SEPTIN5: variants seen among roughly 807,000 people sequenced by gnomAD.
SEPTIN5 encodes the protein septin-5.
Under a neutral mutation model 51.2 loss-of-function variants are expected in SEPTIN5, and 16 were observed. That is an observed-to-expected ratio of 0.31 (90% CI 0.21 to 0.47). The LOEUF is 0.47. Among genes scored for constraint, SEPTIN5 ranks in the 20% least tolerant of loss-of-function variants. The pLI is 0.99. For synonymous variants in SEPTIN5, 208 were observed against 191.2 expected (o/e 1.09, Z -0.72); for missense variants, 376 against 500.3 (o/e 0.75, Z 2.37).
At chr22:19,717,345 G>T in intron 2 of SEPTIN5, 1 of 470,602 alleles carries the variant, frequency 2.1e-6, no homozygotes, top group South Asian at 1.5e-5. Flanking sequence ...GGCCCACAGA[G>T]CGGAGCTCGG....
chr22:19,722,202 G>GCCGCCCCGCCCATCCTCCCCC (rs1936055599), intron 10 of SEPTIN5, 35 bp from the exon 11 acceptor site: 2 of 1,410,634 alleles, frequency 1.4e-6, no homozygotes, highest in East Asian at 4.9e-5. Context: ...TCCCGGTGGC[G>GCCGCCCCGCCCATCCTCCCCC]CCGCCCCGCC....
At position 19,719,684 on chromosome 22, in the gene SEPTIN5, C is replaced by T; in HGVS notation, c.137C>T (p.Thr46Ile). The T allele has an allele frequency of 6.2e-7, 1 of 1,612,956 alleles. No individual in the cohort carries two copies. The highest frequency in any genetic ancestry group is 8.5e-7 in the Non-Finnish European group (1 of 1,179,942). ...RKSVKKGFDF[T>I]LMVAGESGLG... ...TCGGTGAAGAAAGGCTTTGACTTCA[C>T]ACTCATGGTGGCTGGTGAGTGGGCC... The change falls in exon 3 of 12, where the codon ACA (threonine) becomes ATA (isoleucine). Residue 46 changes from threonine to isoleucine, a missense_variant. Coordinates refer to ENST00000455784, the MANE Select transcript of SEPTIN5 (RefSeq NM_002688.6).
At chr22:19,718,426 G>T in intron 2 of SEPTIN5, 2 of 1,069,348 alleles carry the variant, frequency 1.9e-6, no homozygotes, top group Non-Finnish European at 2.3e-6. Flanking sequence ...CCCCCGCCGC[G>T]CGCTCCGCGG....
rs371577180 is a variant in SEPTIN5 at position 19,718,722 on chromosome 22, T to TG, written c.55-873dup. The TG allele has an allele frequency of 1.5e-3, 1,886 of 1,248,086 alleles. 1 individual carries two copies. The highest frequency in any genetic ancestry group is 1.5e-3 in the Non-Finnish European group (1,536 of 996,266). The allele number at this position is 1,248,086 out of a possible 1,614,324, so 77.3% of individuals were successfully genotyped here. A position where few individuals can be genotyped will look rare whatever the true frequency, so the allele number is the denominator to read the frequency against. ...TGGGGTCCGAGCGTGCCCCCGGGCCTGGGGGGGTCGCCGCGATGGACTCGC... is the reference window on the plus strand; with the variant it reads ...TGGGGTCCGAGCGTGCCCCCGGGCCTGGGGGGGGTCGCCGCGATGGACTCGC... On this transcript the variant is annotated intron_variant, in intron 2 of 11. Transcript: ENST00000455784.
chr22:19,720,446 C>A lies in SEPTIN5; in HGVS notation c.489C>A (p.Phe163Leu), dbSNP rs141597356. 5.6e-6 allele frequency: 9 copies of A among 1,613,752 alleles called. No individual in the cohort carries two copies. Among genetic ancestry groups the A allele is most frequent in the African/African-American group, 1.3e-5 (1 of 75,060 alleles). ...VHCCLYFISP[F>L]GHGLRPVDVG... is the part of the protein sequence containing the mutation. ...GCTGCCTATACTTCATCTCCCCCTT[C>A]GGGCATGGGTGTGTGGCTGTCCTGG... Residue 163 changes from phenylalanine (F) to leucine (L), a missense_variant, in exon 6 of 12, where the codon TTC (phenylalanine) becomes TTA (leucine). This residue lies in a region of SEPTIN5 where 287 missense variants were observed against 417.1 expected (regional missense o/e 0.69). Coordinates refer to ENST00000455784, the MANE Select transcript of SEPTIN5 (RefSeq NM_002688.6).
In SEPTIN5 at chr22:19,714,714, C is replaced by A; in HGVS notation, c.44-67C>A. The A allele has an allele frequency of 6.5e-7, 1 of 1,540,490 alleles. No individual in the cohort carries two copies. On this transcript the variant is annotated intron_variant, in intron 1 of 11. Coordinates refer to ENST00000455784, the MANE Select transcript of SEPTIN5 (RefSeq NM_002688.6). The surrounding 1 kb of genome is among the most constrained non-coding windows in gnomAD (Gnocchi z 5.2). ...CCTCTCACCGTGTCTCTCCGTCTCT[C>A]CCCCGCCCGCCGGCCCGGACCCGCT...
rs773874398 is a variant in SEPTIN5, at chr22:19,714,760, AC to A, written c.44-17del. The A allele has an allele frequency of 2.6e-6, 4 of 1,564,240 alleles. No homozygotes were observed. Among genetic ancestry groups the A allele is most frequent in the African/African-American group, 2.9e-5 (2 of 68,480 alleles). On this transcript the variant is annotated intron_variant, in intron 1 of 11. Coordinates refer to ENST00000455784, the MANE Select transcript of SEPTIN5 (RefSeq NM_002688.6). The surrounding 1 kb of genome is among the most constrained non-coding windows in gnomAD (Gnocchi z 5.2). Reference sequence around the variant, plus strand: ...CCGCTCGGAACCGGACCCGGACTCGACCCCGACCCCGACCCCGCAGAGGACA... The same window carrying A: ...CCGCTCGGAACCGGACCCGGACTCGACCCGACCCCGACCCCGCAGAGGACA...
intron 2 of SEPTIN5, chr22:19,717,641 C>T (rs540404512): frequency 6.8e-6 from 2 of 293,664 alleles, no homozygotes; most frequent in Non-Finnish European, 1.3e-5. Context: ...GCAGCCTGCA[C>T]CCTTCCTTTC....
At chr22:19,719,375 G>C (rs1935978195) in intron 2 of SEPTIN5, 1 of 547,250 alleles carries the variant, frequency 1.8e-6, no homozygotes, top group African/African-American at 1.9e-5. Context: ...TCCCTGCAGA[G>C]CCCTCCCTGG....
At position 19,720,683 on chromosome 22, in the gene SEPTIN5, A is replaced by G. The variant is rs755951804; in HGVS notation, c.615+17A>G. ...AAGGAGCGGGTGAGCCTGCCGTCGCACAGGGGCCTGGCCAGGGCCCTGGGG... is the reference window on the plus strand; with the variant it reads ...AAGGAGCGGGTGAGCCTGCCGTCGCGCAGGGGCCTGGCCAGGGCCCTGGGG... On this transcript the variant is annotated intron_variant, in intron 7 of 11. Coordinates refer to ENST00000455784, the MANE Select transcript of SEPTIN5 (RefSeq NM_002688.6). 15 of 1,612,778 alleles carry G rather than the reference A, an allele frequency of 9.3e-6. No homozygotes were observed. The highest frequency in any genetic ancestry group is 1.3e-5 in the Non-Finnish European group (15 of 1,179,874).
intron 2 of SEPTIN5, chr22:19,718,517 G>T (rs1260161745): frequency 7.9e-7 from 1 of 1,269,540 alleles, no homozygotes; most frequent in East Asian, 2.9e-5. Context: ...CTTGGGGCCA[G>T]TTCGCCCAGT....
In SEPTIN5 at chr22:19,714,742, G is replaced by C. The variant is rs1935889618; in HGVS notation, c.44-39G>C. 1 of 1,582,866 alleles carries C rather than the reference G, an allele frequency of 6.3e-7. No homozygotes were observed. On this transcript the variant is annotated intron_variant, in intron 1 of 11. Coordinates refer to ENST00000455784, the MANE Select transcript of SEPTIN5 (RefSeq NM_002688.6). The surrounding 1 kb of genome is among the most constrained non-coding windows in gnomAD (Gnocchi z 5.2). ...CCGCCCGCCGGCCCGGACCCGCTCG[G>C]AACCGGACCCGGACTCGACCCCGAC...
Position 19,717,926 on chromosome 22 carries a change from GCA to G in SEPTIN5, c.55-1674_55-1673del, listed in dbSNP as rs201454773. 3.2e-3 allele frequency: 502 copies of G among 155,158 alleles called. 1 individual carries two copies. Among genetic ancestry groups the G allele is most frequent in the South Asian group, 0.017 (98 of 5,658 alleles). 9.6% of individuals were successfully genotyped at this position (155,158 alleles called of 1,614,324 possible). The stretch of plus-strand genomic sequence containing the variant: ...CACGGACGCGCACACACAAACGCGC[GCA>G]CGCACGCACGCACGCACGGGGGAGG... On this transcript the variant is annotated intron_variant, in intron 2 of 11. Transcript: ENST00000455784.
chr22:19,720,336 G>T lies in SEPTIN5; in HGVS notation c.379G>T (p.Asp127Tyr). 6.2e-7 allele frequency: 1 copy of T among 1,613,826 alleles called. No individual in the cohort carries two copies. The highest frequency in any genetic ancestry group is 1.1e-5 in the South Asian group (1 of 91,080). The change falls in exon 6 of 12, where the codon GAC becomes TAC. Residue 127 changes from aspartate (D) to tyrosine (Y), a missense_variant. Transcript: ENST00000455784. ...NNTECWKPITDYVDQQFEQYF... is the reference protein window; with the variant it reads ...NNTECWKPITYYVDQQFEQYF... ...TGCCCACAGCTGGAAGCCCATCACCGACTATGTGGACCAGCAGTTTGAGCA... is the reference window on the plus strand; with the variant it reads ...TGCCCACAGCTGGAAGCCCATCACCTACTATGTGGACCAGCAGTTTGAGCA...
intron 2 of SEPTIN5, chr22:19,718,615 A>G: frequency 1.6e-6 from 2 of 1,289,956 alleles, no homozygotes; most frequent in Non-Finnish European, 2.0e-6. Context: ...CGCGTCCGCA[A>G]AACGGGGTGG....
At chr22:19,717,991 G>A (rs1325339058) in intron 2 of SEPTIN5, 1 of 152,682 alleles carries the variant, frequency 6.5e-6, no homozygotes, top group Non-Finnish European at 1.5e-5. Context: ...TGCAGGGCGC[G>A]GCGTGTCTGT....
chr22:19,718,548 C>A (rs1935953867), intron 2 of SEPTIN5: 1 of 1,286,476 alleles, frequency 7.8e-7, no homozygotes, highest in Non-Finnish European at 9.8e-7. Context: ...GCTCGGTCGG[C>A]CTCGGGGGTC....
At position 19,722,347 on chromosome 22, in the gene SEPTIN5, GGGC is replaced by G; in HGVS notation, c.1053+14_1053+16del. 1 of 1,601,704 alleles carries G rather than the reference GGGC, an allele frequency of 6.2e-7. No individual in the cohort carries two copies. Among genetic ancestry groups the G allele is most frequent in the African/African-American group, 1.3e-5 (1 of 74,874 alleles). On this transcript the variant is annotated intron_variant, in intron 11 of 11. Coordinates refer to ENST00000455784, the MANE Select transcript of SEPTIN5 (RefSeq NM_002688.6). ...AGGATGAAGGATGAGGAAGTATGTG[GGGC>G]GGCGGGGGCGGCGGAGGCGGGCGTC...
Position 19,721,718 on chromosome 22 carries a change from C to T in SEPTIN5, c.796C>T (p.Pro266Ser). The T allele has an allele frequency of 1.9e-6, 3 of 1,610,556 alleles. No homozygotes were observed. Among genetic ancestry groups the T allele is most frequent in the Non-Finnish European group, 2.5e-6 (3 of 1,178,256 alleles). ...KGQRVRGRLY[P>S]WGIVEVENQA... is the part of the protein sequence containing the mutation. ...GCAGCGGGTCCGGGGCCGACTGTACCCCTGGGGGATCGTGGAGGGTGAGTA... is the reference window on the plus strand; with the variant it reads ...GCAGCGGGTCCGGGGCCGACTGTACTCCTGGGGGATCGTGGAGGGTGAGTA... Residue 266 changes from proline (P) to serine (S), a missense_variant, in exon 9 of 12, where the codon CCC becomes TCC. Physicochemically the swap from Pro to Ser is moderately conservative, Grantham distance 74. Around this residue, in one of 2 missense-constraint regions of SEPTIN5, gnomAD observed 287 missense variants for 417.1 expected, o/e 0.69. Coordinates refer to ENST00000455784, the MANE Select transcript of SEPTIN5 (RefSeq NM_002688.6).
Sources: gnomAD v4.1 joint callset for allele counts on GRCh38, gnomAD v4.1.1 for gene constraint, gnomAD v4.1.1 regional missense constraint, Gnocchi (gnomAD v3.1) non-coding constraint, MANE v1.5 for transcripts, NCBI Gene and HGNC (gene_info 2026-07-23, HGNC 2026-07-21) for gene names.